Variants in USP44 observed in about 807,000 individuals in gnomAD.
The protein encoded by USP44 is ubiquitin specific peptidase 44.
USP44 carries 61 observed loss-of-function variants against 69.0 expected under a neutral mutation model. That is an observed-to-expected ratio of 0.88 (90% CI 0.72 to 1.09). USP44 has a LOEUF of 1.09. Ranked by LOEUF, USP44 falls within the 50% of genes least tolerant of loss-of-function variation. The pLI, the probability that USP44 is intolerant of heterozygous loss-of-function variation, is 0.00. For missense variants in USP44, 753 were observed against 849.9 expected (o/e 0.89, Z 1.42); for synonymous variants, 297 against 295.4 (o/e 1.01, Z -0.06).
chr12:95,533,763 C>T lies in USP44; in HGVS notation c.494G>A (p.Trp165Ter), dbSNP rs200444702. 4.3e-5 allele frequency: 69 copies of T among 1,613,928 alleles called. No individual in the cohort carries two copies. The highest frequency in any genetic ancestry group is 8.0e-5 in the African/African-American group (6 of 74,860). Residue 165 changes from tryptophan (W) to a stop codon, truncating the protein, a stop_gained, in exon 2 of 6, where the codon TGG becomes TAG. Transcript: ENST00000258499. LOFTEE classifies it high-confidence loss of function. ...RILMGKIFRT[W>*]FEQSPIGRKK... ...TCTTCCAATGGGTGATTGTTCAAACCATGTTCGAAAGATTTTACCCATTAG... is the reference window on the plus strand; with the variant it reads ...TCTTCCAATGGGTGATTGTTCAAACTATGTTCGAAAGATTTTACCCATTAG...
intron 1 of USP44, among the ~76,000 whole-genome samples, chr12:95,547,436 G>A (rs988682649): frequency 6.6e-6 from 1 of 152,144 alleles, no homozygotes; most frequent in Non-Finnish European, 1.5e-5. Flanking sequence ...CTAAATTAAG[G>A]ACAAAACGAT....
At chr12:95,536,007 T>C (rs971347745) in intron 1 of USP44, among the ~76,000 whole-genome samples, 5 of 151,376 alleles carry the variant, frequency 3.3e-5, no homozygotes, top group Non-Finnish European at 5.9e-5. Flanking sequence ...AAATCTCACA[T>C]GTTCACATGT....
chr12:95,530,956 A>G (rs1188834892), intron 2 of USP44, among the ~76,000 whole-genome samples: 1 of 152,214 alleles, frequency 6.6e-6, no homozygotes, highest in Non-Finnish European at 1.5e-5. Context: ...CAAGGTCAGG[A>G]GATCGAGACC....
intron 3 of USP44, among the ~76,000 whole-genome samples, chr12:95,526,758 T>C (rs916976402): frequency 6.6e-6 from 1 of 152,108 alleles, no homozygotes; most frequent in African/African-American, 2.4e-5. Flanking sequence ...TTAGAATCTA[T>C]TTGCGAGATA....
At chr12:95,535,922 G>T (rs1230754370) in intron 1 of USP44, among the ~76,000 whole-genome samples, 4 of 151,412 alleles carry the variant, frequency 2.6e-5, no homozygotes, top group Admixed American at 6.6e-5. Context: ...GTTGATTTTT[G>T]GTTCCTTCCC....
At chr12:95,544,333 G>C (rs1357222776) in intron 1 of USP44, among the ~76,000 whole-genome samples, 4 of 151,998 alleles carry the variant, frequency 2.6e-5, no homozygotes, top group Non-Finnish European at 4.4e-5. Flanking sequence ...GGGAATACAG[G>C]TGTGAGCCAC....
At position 95,524,083 on chromosome 12, in the gene USP44, G is replaced by A. The variant is rs897234665; in HGVS notation, c.1733+597C>T. On this transcript the variant is annotated intron_variant, in intron 4 of 5. Transcript: ENST00000258499. ...TTTTTATGTTTATGTATGTATGTAC[G>A]TACATATGTATGTTTGAGATGGAGT... 5.9e-5 allele frequency among the ~76,000 whole-genome samples: 9 copies of A among 151,618 alleles called. No individual in the cohort carries two copies. The South Asian group carries it at 8.4e-4, about 14-fold the overall frequency.
Position 95,524,694 on chromosome 12 carries a change from G to A in USP44, c.1719C>T (p.His573=), listed in dbSNP as rs2076778443. ...ICHLPQVLRL[H]LKRFRWSGRN... is the part of the protein sequence containing the mutation. ...CTACTACAGACCTGAATCGTTTGAG[G>A]TGCAGTCTGAGAACCTGAGGTAGGT... is the stretch of plus-strand genomic sequence containing the variant. Residue 573 remains histidine, a synonymous_variant, in exon 4 of 6, where the codon CAC becomes CAT. Transcript: ENST00000258499. 1.2e-6 allele frequency: 2 copies of A among 1,610,944 alleles called. No homozygotes were observed. Among genetic ancestry groups the A allele is most frequent in the East Asian group, 4.5e-5 (2 of 44,698 alleles).
chr12:95,528,719 C>G lies in USP44; in HGVS notation c.1624+88G>C, dbSNP rs2076928461. 2.9e-6 allele frequency: 4 copies of G among 1,378,674 alleles called. No homozygotes were observed. The Admixed American group carries it at 7.2e-5, about 25-fold the overall frequency. The allele number at this position is 1,378,674 out of a possible 1,614,324, so 85.4% of individuals were successfully genotyped here. ...ACTGAAAAAAAGTTCATTTTCATAACTGCTAAAGATTTCTTTCAGCTTCCT... is the reference window on the plus strand; with the variant it reads ...ACTGAAAAAAAGTTCATTTTCATAAGTGCTAAAGATTTCTTTCAGCTTCCT... On this transcript the variant is annotated intron_variant, in intron 3 of 5. Transcript: ENST00000258499.
Position 95,532,928 on chromosome 12 carries a change from A to G in USP44, c.1329T>C (p.Gly443=), listed in dbSNP as rs572743046. 6.2e-7 allele frequency: 1 copy of G among 1,614,096 alleles called. No homozygotes were observed. Among genetic ancestry groups the G allele is most frequent in the Non-Finnish European group, 8.5e-7 (1 of 1,180,036 alleles). ...TGGGGATAAGAGCTGGTAAACTGGT[A>G]CCAGTTGTCTCTAATTCACGTTGTA... ...DKIQRELETT[G]TSLPALIPTS... The change falls in exon 2 of 6, where the codon GGT becomes GGC. Residue 443 remains glycine (G), a synonymous_variant. Coordinates refer to ENST00000258499, the MANE Select transcript of USP44 (RefSeq NM_032147.5).
chr12:95,549,258 T>G (rs974827221), intron 1 of USP44, among the ~76,000 whole-genome samples: 2 of 152,192 alleles, frequency 1.3e-5, no homozygotes, highest in African/African-American at 4.8e-5. Flanking sequence ...AAGAAAACGT[T>G]TCCTTCTTGA....
chr12:95,529,863 A>G (rs951859243), intron 2 of USP44, among the ~76,000 whole-genome samples: 147 of 152,358 alleles, frequency 9.6e-4, no homozygotes, highest in African/African-American at 3.5e-3. Flanking sequence ...TAATTTCAAA[A>G]GACAAGATAT....
Position 95,533,612 on chromosome 12 carries a change from A to G in USP44, c.645T>C (p.Arg215=). The change falls in exon 2 of 6, where the codon CGT becomes CGC. Residue 215 remains arginine (R), a synonymous_variant. Coordinates refer to ENST00000258499, the MANE Select transcript of USP44 (RefSeq NM_032147.5). ...TGGTCGACTGAGCGAGCCCTTGTAA[A>G]CGTAAACTCTTTCTTGGAGGCATAC... ...LESMPPRKSL[R]LQGLAQSTII... 3 of 1,613,754 alleles carry G rather than the reference A, an allele frequency of 1.9e-6. No homozygotes were observed. The highest frequency in any genetic ancestry group is 2.5e-6 in the Non-Finnish European group (3 of 1,180,022).
At chr12:95,520,512 G>A (rs1382780107) in intron 5 of USP44, among the ~76,000 whole-genome samples, 1 of 152,008 alleles carries the variant, frequency 6.6e-6, no homozygotes, top group South Asian at 2.1e-4. Context: ...AAGGTGTTGG[G>A]GGGAGTAAAA....
At chr12:95,529,137 A>C (rs888800327) in intron 2 of USP44, 135 bp from the exon 3 acceptor site, 2 of 748,972 alleles carry the variant, frequency 2.7e-6, no homozygotes, top group Non-Finnish European at 3.9e-6. Flanking sequence ...AATCTGCTTT[A>C]TATTCTTGTC....
intron 1 of USP44, among the ~76,000 whole-genome samples, chr12:95,539,152 A>C (rs2077303585): frequency 6.6e-6 from 1 of 152,194 alleles, no homozygotes; most frequent in African/African-American, 2.4e-5. Context: ...TCACACTCCA[A>C]ATTCAAATCA....
chr12:95,525,124 T>G (rs2076794256), intron 3 of USP44, among the ~76,000 whole-genome samples: 2 of 152,244 alleles, frequency 1.3e-5, no homozygotes. Flanking sequence ...CAGGCTGGAG[T>G]GCAGTGGCAC....
intron 1 of USP44, among the ~76,000 whole-genome samples, chr12:95,541,794 C>A (rs1292968273): frequency 6.6e-6 from 1 of 151,968 alleles, no homozygotes; most frequent in Non-Finnish European, 1.5e-5. Context: ...TCAGCCCCAG[C>A]TAACTTCCAG....
chr12:95,537,444 G>C (rs186543041), intron 1 of USP44, among the ~76,000 whole-genome samples: 1 of 151,928 alleles, frequency 6.6e-6, no homozygotes, highest in African/African-American at 2.4e-5. Flanking sequence ...TTAGCCTCCC[G>C]AGTAGCTGGG....
Sources: allele counts gnomAD v4.1 joint callset (sites outside exome capture counted in the v4.1 genomes callset), GRCh38; gene constraint gnomAD v4.1.1; transcripts MANE v1.5; gene names NCBI Gene and HGNC (gene_info 2026-07-23, HGNC 2026-07-21).